Variants in NEO1 observed in about 807,000 individuals in gnomAD.
The protein encoded by NEO1 is neogenin 1, also known as neogenin.
Under a neutral mutation model 159.7 loss-of-function variants are expected in NEO1, and 63 were observed. The ratio of observed to expected loss-of-function variants is 0.39; its 90% CI spans 0.32 to 0.49. The LOEUF (loss-of-function observed/expected upper bound fraction) is 0.49, where lower values mean the gene tolerates loss of function less well. Ranked by LOEUF, NEO1 falls within the 20% of genes least tolerant of loss-of-function variation. The pLI, the probability that NEO1 is intolerant of heterozygous loss-of-function variation, is 0.85. For missense variants in NEO1, 1,615 were observed against 1,831.0 expected, an observed-to-expected ratio of 0.88 and a Z score of 2.15; for synonymous variants, 633 against 662.0, an observed-to-expected ratio of 0.96 and a Z score of 0.67.
intron 7 of NEO1, among the ~76,000 whole-genome samples, chr15:73,197,172 C>T (rs1418674584): frequency 1.3e-5 from 2 of 151,988 alleles, no homozygotes; most frequent in African/African-American, 4.8e-5. Context: ...CCAGCCTGGG[C>T]AGTATGTTGA....
At chr15:73,209,278 A>G (rs2037415114) in intron 7 of NEO1, among the ~76,000 whole-genome samples, 1 of 152,210 alleles carries the variant, frequency 6.6e-6, no homozygotes, top group Non-Finnish European at 1.5e-5. Flanking sequence ...TGTATCTGCC[A>G]TGTATTTTTC....
intron 7 of NEO1, among the ~76,000 whole-genome samples, chr15:73,197,141 C>T (rs2152037242): frequency 6.6e-6 from 1 of 152,272 alleles, no homozygotes; most frequent in African/African-American, 2.4e-5. Context: ...GGGCAGATCG[C>T]TTGAGCTCGG....
intron 5 of NEO1, among the ~76,000 whole-genome samples, chr15:73,174,342 AG>A (rs749293207): frequency 3.5e-4 from 54 of 152,276 alleles, no homozygotes; most frequent in Non-Finnish European, 6.6e-4. Context: ...GGGAGGCCTC[AG>A]AGCTGGTGTG....
chr15:73,167,734 A>G (rs1221329179), intron 5 of NEO1, among the ~76,000 whole-genome samples: 1 of 152,230 alleles, frequency 6.6e-6, no homozygotes, highest in East Asian at 1.9e-4. Flanking sequence ...TATATTTAAT[A>G]AAGGTTTTTG....
intron 7 of NEO1, among the ~76,000 whole-genome samples, chr15:73,201,529 G>A (rs770297789): frequency 2.8e-4 from 42 of 151,986 alleles, no homozygotes; most frequent in Non-Finnish European, 5.1e-4. Flanking sequence ...AATAATGTGC[G>A]TTTTGTCATT....
chr15:73,140,896 C>A (rs1468970631), intron 5 of NEO1, among the ~76,000 whole-genome samples: 2 of 152,148 alleles, frequency 1.3e-5, no homozygotes, highest in Non-Finnish European at 2.9e-5. Context: ...GTGTAAACTT[C>A]AAAAACAGAC....
intron 13 of NEO1, among the ~76,000 whole-genome samples, chr15:73,257,803 C>A (rs772306831): frequency 6.6e-5 from 10 of 152,206 alleles, no homozygotes; most frequent in Non-Finnish European, 1.5e-4. Flanking sequence ...TGGATTCTTT[C>A]AAGATCTTCA....
chr15:73,112,295 GT>G (rs757585989), intron 1 of NEO1, among the ~76,000 whole-genome samples: 1 of 151,878 alleles, frequency 6.6e-6, no homozygotes. Flanking sequence ...TATAAATAAA[GT>G]TTTGTTGGAA....
chr15:73,249,692 C>T lies in NEO1; in HGVS notation c.1865C>T (p.Pro622Leu), dbSNP rs1028439743. The T allele has an allele frequency of 1.9e-6, 3 of 1,612,414 alleles. No homozygotes were observed. The highest frequency in any genetic ancestry group is 1.7e-5 in the Admixed American group (1 of 59,552). ...AAACATGGTCCTGGAGTTTCCACAC[C>T]AGATGTTGCTGTTCGAACATTGTCA... Reference protein sequence around the residue: ...YNKHGPGVSTPDVAVRTLSDV... With the variant: ...YNKHGPGVSTLDVAVRTLSDV... Residue 622 changes from proline (P) to leucine (L), a missense_variant, in exon 11 of 29, where the codon CCA becomes CTA. Transcript: ENST00000261908.
chr15:73,230,032 T>C (rs2038814589), intron 7 of NEO1, among the ~76,000 whole-genome samples: 1 of 152,180 alleles, frequency 6.6e-6, no homozygotes, highest in Admixed American at 6.5e-5. Flanking sequence ...TTGTCGGGCT[T>C]TGATAACAGA....
At chr15:73,174,783 A>G (rs1296851669) in intron 5 of NEO1, among the ~76,000 whole-genome samples, 1 of 152,210 alleles carries the variant, frequency 6.6e-6, no homozygotes, top group Non-Finnish European at 1.5e-5. Context: ...ACGGCAGCAT[A>G]TTTATATACA....
At chr15:73,141,413 G>C (rs1239324749) in intron 5 of NEO1, among the ~76,000 whole-genome samples, 1 of 152,182 alleles carries the variant, frequency 6.6e-6, no homozygotes, top group Non-Finnish European at 1.5e-5. Context: ...AGCCCATCAT[G>C]TATTTCCTGT....
chr15:73,114,074 A>C (rs2071155826), intron 1 of NEO1, among the ~76,000 whole-genome samples: 1 of 152,224 alleles, frequency 6.6e-6, no homozygotes, highest in African/African-American at 2.4e-5. Flanking sequence ...TAGGTAGCGC[A>C]TACACCATGC....
intron 5 of NEO1, among the ~76,000 whole-genome samples, chr15:73,163,262 T>A (rs2034319522): frequency 6.6e-6 from 1 of 152,198 alleles, no homozygotes; most frequent in South Asian, 2.1e-4. Flanking sequence ...TAATAGTTTT[T>A]CAGCTTATTC....
In NEO1 at chr15:73,244,979, A is replaced by AAAAAAAAAAAAAC. The variant is rs2039703492; in HGVS notation, c.1606+485_1606+486insAAAAAAAACAAAA. Among the ~76,000 whole-genome samples, 3 of 141,292 alleles carry AAAAAAAAAAAAAC rather than the reference A, an allele frequency of 2.1e-5. No homozygotes were observed. In the East Asian group the frequency reaches 7.0e-4, roughly 33 times the overall value. The allele number at this position is 141,292 out of a possible 152,430, so 92.7% of individuals were successfully genotyped here. On this transcript the variant is annotated intron_variant, in intron 9 of 28. Coordinates refer to ENST00000261908, the MANE Select transcript of NEO1 (RefSeq NM_002499.4). ...CAAAAAAAAAAAAAAAAAAAAAAAA[A>AAAAAAAAAAAAAC]AAAACAACAGCAAATAGTATAAGAC...
chr15:73,066,379 T>C, intron 1 of NEO1, among the ~76,000 whole-genome samples: 1 of 151,190 alleles, frequency 6.6e-6, no homozygotes, highest in Non-Finnish European at 1.5e-5. Context: ...TTCTCCATCT[T>C]GTGTTTTTAT....
chr15:73,122,981 A>G (rs2071758932), intron 3 of NEO1, among the ~76,000 whole-genome samples, 181 bp downstream of exon 3: 1 of 151,962 alleles, frequency 6.6e-6, no homozygotes, highest in South Asian at 2.1e-4. Flanking sequence ...ACATGGCGAA[A>G]CCCCATCTCT....
intron 23 of NEO1, among the ~76,000 whole-genome samples, chr15:73,285,793 A>G (rs1467227832): frequency 1.3e-5 from 2 of 152,182 alleles, no homozygotes; most frequent in African/African-American, 2.4e-5. Context: ...AAGCTGTCAG[A>G]TAAGAACAAC....
intron 2 of NEO1, among the ~76,000 whole-genome samples, chr15:73,119,486 C>T (rs1415562493): frequency 6.6e-6 from 1 of 152,204 alleles, no homozygotes; most frequent in African/African-American, 2.4e-5. Context: ...TTCTGTTTTT[C>T]TGCCTGGGCA....
Sources: gnomAD v4.1 joint callset for allele counts (sites outside exome capture counted in the v4.1 genomes callset) on GRCh38, gnomAD v4.1.1 for gene constraint, MANE v1.5 for transcripts, NCBI Gene and HGNC (gene_info 2026-07-23, HGNC 2026-07-21) for gene names.